The following SERPINB1 variants were observed in gnomAD, a reference collection of about 807,000 sequenced individuals.
The protein encoded by SERPINB1 is leukocyte elastase inhibitor.
SERPINB1 carries 23 observed loss-of-function variants against 25.9 expected under a neutral mutation model. The observed-to-expected ratio is 0.89, with a 90% CI of 0.64 to 1.26. The LOEUF (loss-of-function observed/expected upper bound fraction) is 1.26, where lower values mean the gene tolerates loss of function less well. Ranked by LOEUF, SERPINB1 falls within the 50% of genes most tolerant of loss-of-function variation. SERPINB1 has a pLI of 0.00. For synonymous variants in SERPINB1, 178 were observed against 178.7 expected (o/e 1.00, Z 0.03); for missense variants, 399 against 463.6 (o/e 0.86, Z 1.28).
In SERPINB1 at chr6:2,833,948, A is replaced by G. The variant is rs774303409; in HGVS notation, c.800T>C (p.Ile267Thr). 15 of 1,613,836 alleles carry G rather than the reference A, an allele frequency of 9.3e-6. No individual in the cohort carries two copies. The highest frequency in any genetic ancestry group is 1.6e-4 in the Middle Eastern group (1 of 6,062). Residue 267 changes from isoleucine to threonine, a missense_variant, in exon 7 of 7, where the codon ATT becomes ACT. Physicochemically the swap from Ile to Thr is moderately conservative, Grantham distance 89. Coordinates refer to ENST00000380739, the MANE Select transcript of SERPINB1 (RefSeq NM_030666.4). ...EWTKPENLDF[I>T]EVNVSLPRFK... is the part of the protein sequence containing the mutation. ...CCTGGGCAAGCTGACATTAACTTCA[A>G]TGAAATCGAGATTCTCAGGTTTAGT... is the stretch of plus-strand genomic sequence containing the variant.
Position 2,833,518 on chromosome 6 carries a change from T to C in SERPINB1, c.*90A>G. 1 of 1,207,360 alleles carries C rather than the reference T, an allele frequency of 8.3e-7. No homozygotes were observed. Among genetic ancestry groups the C allele is most frequent in the South Asian group, 1.6e-5 (1 of 60,892 alleles). The allele number at this position is 1,207,360 out of a possible 1,614,324, so 74.8% of individuals were successfully genotyped here. ...GACTTGTTTCTGAACAGTGGTTTTA[T>C]TGGTAAAGATATAAGACATATTGGC... On this transcript the variant is annotated 3_prime_UTR_variant, in exon 7 of 7. Transcript: ENST00000380739.
intron 2 of SERPINB1, chr6:2,839,327 T>A: frequency 1.0e-6 from 1 of 985,210 alleles, no homozygotes; most frequent in Non-Finnish European, 1.2e-6. Flanking sequence ...GAAGTCCACA[T>A]TACTCACCGA....
chr6:2,835,570 C>G (rs1246534074), intron 6 of SERPINB1, among the ~76,000 whole-genome samples: 1 of 152,142 alleles, frequency 6.6e-6, no homozygotes, highest in African/African-American at 2.4e-5. Context: ...GGCACAGTGG[C>G]TCACAGCTAT....
At position 2,841,157 on chromosome 6, in the gene SERPINB1, T is replaced by G. The variant is rs1314949127; in HGVS notation, c.-8-563A>C. On this transcript the variant is annotated intron_variant, in intron 1 of 6. Transcript: ENST00000380739. This position sits in a 1 kb window ranked among gnomAD's most constrained non-coding sequence, Gnocchi z 4.5. ...CCTTATTTTTGAGGTTCAAAAGGTATGAGGTCCAGTGCCCACAGTCTCAGA... is the reference window on the plus strand; with the variant it reads ...CCTTATTTTTGAGGTTCAAAAGGTAGGAGGTCCAGTGCCCACAGTCTCAGA... The G allele has an allele frequency of 6.6e-6, 1 of 152,238 alleles. No individual in the cohort carries two copies. The highest frequency in any genetic ancestry group is 2.4e-5 in the African/African-American group (1 of 41,438). 9.4% of individuals were successfully genotyped at this position (152,238 alleles called of 1,614,324 possible). A position where few individuals can be genotyped will look rare whatever the true frequency, so the allele number is the denominator to read the frequency against.
chr6:2,840,311 A>T (rs1464442095), intron 2 of SERPINB1, 108 bp downstream of exon 2: 7 of 1,308,806 alleles, frequency 5.3e-6, no homozygotes, highest in Non-Finnish European at 7.4e-6. Context: ...ATAAAAATAC[A>T]GTTCTGAAAA....
At position 2,833,514 on chromosome 6, in the gene SERPINB1, T is replaced by C; in HGVS notation, c.*94A>G. On this transcript the variant is annotated 3_prime_UTR_variant, in exon 7 of 7. Transcript: ENST00000380739. ...GAAAGACTTGTTTCTGAACAGTGGT[T>C]TTATTGGTAAAGATATAAGACATAT... 4 of 1,195,020 alleles carry C rather than the reference T, an allele frequency of 3.3e-6. No individual in the cohort carries two copies. In the South Asian group the frequency reaches 6.7e-5, roughly 20 times the overall value. The allele number at this position is 1,195,020 out of a possible 1,614,324, so 74.0% of individuals were successfully genotyped here. A position where few individuals can be genotyped will look rare whatever the true frequency, so the allele number is the denominator to read the frequency against.
rs1766416441 is a variant in SERPINB1 at position 2,834,004 on chromosome 6, T to G, written c.744A>C (p.Glu248Asp). 6.3e-7 allele frequency: 1 copy of G among 1,590,884 alleles called. No homozygotes were observed. Among genetic ancestry groups the G allele is most frequent in the Non-Finnish European group, 8.6e-7 (1 of 1,169,044 alleles). ...CATGCAACTTTTCCAAAGTCAACTG[T>G]TCCTCAATCTGCAATTAAAAATGAG... ...DESTGLKKIE[E>D]QLTLEKLHEW... is the part of the protein sequence containing the mutation. Residue 248 changes from glutamate (E) to aspartate (D), a missense_variant, in exon 7 of 7, where the codon GAA becomes GAC. Coordinates refer to ENST00000380739, the MANE Select transcript of SERPINB1 (RefSeq NM_030666.4).
At position 2,833,405 on chromosome 6, in the gene SERPINB1, T is replaced by C. The variant is rs1007659255; in HGVS notation, c.*203A>G. The C allele has an allele frequency of 4.1e-6, 2 of 488,702 alleles. No individual in the cohort carries two copies. Among genetic ancestry groups the C allele is most frequent in the Non-Finnish European group, 3.6e-6 (1 of 280,966 alleles). 30.3% of individuals were successfully genotyped at this position (488,702 alleles called of 1,614,324 possible). On this transcript the variant is annotated 3_prime_UTR_variant, in exon 7 of 7. Transcript: ENST00000380739. ...CATTCAAAAGCAACCACTGGATTTT[T>C]TTCAATGTAAAAAAGAAAAATAGAT...
Position 2,833,735 on chromosome 6 carries a change from G to T in SERPINB1, c.1013C>A (p.Ala338Glu). Residue 338 changes from alanine (A) to glutamate (E), a missense_variant, in exon 7 of 7, where the codon GCA (alanine) becomes GAA (glutamate). By Grantham distance (107) the Ala-to-Glu change is moderately radical (BLOSUM62 -1). Coordinates refer to ENST00000380739, the MANE Select transcript of SERPINB1 (RefSeq NM_030666.4). ...CAACATGCAGAAAGTTGCGATGCCTGCTGTGGCAGCTGCCGCCTCTGTTCC... is the reference window on the plus strand; with the variant it reads ...CAACATGCAGAAAGTTGCGATGCCTTCTGTGGCAGCTGCCGCCTCTGTTCC... Reference protein sequence around the residue: ...EEGTEAAAATAGIATFCMLMP... With the variant: ...EEGTEAAAATEGIATFCMLMP... The T allele has an allele frequency of 1.2e-6, 2 of 1,613,704 alleles. No homozygotes were observed. The highest frequency in any genetic ancestry group is 1.3e-5 in the African/African-American group (1 of 75,050).
intron 6 of SERPINB1, among the ~76,000 whole-genome samples, chr6:2,835,072 T>C (rs1766446106): frequency 6.6e-6 from 1 of 152,200 alleles, no homozygotes; most frequent in Non-Finnish European, 1.5e-5. Flanking sequence ...TGTTATACAA[T>C]GTATTAAAAG....
rs2113528883 is a variant in SERPINB1 at position 2,833,399 on chromosome 6, G to A, written c.*209C>T. ...TTGATGCATTCAAAAGCAACCACTG[G>A]ATTTTTTTCAATGTAAAAAAGAAAA... On this transcript the variant is annotated 3_prime_UTR_variant, in exon 7 of 7. Coordinates refer to ENST00000380739, the MANE Select transcript of SERPINB1 (RefSeq NM_030666.4). The A allele has an allele frequency of 1.0e-5, 5 of 480,042 alleles. No homozygotes were observed. The East Asian group carries it at 1.6e-4, about 16-fold the overall frequency. The allele number at this position is 480,042 out of a possible 1,614,324, so 29.7% of individuals were successfully genotyped here. A position where few individuals can be genotyped will look rare whatever the true frequency, so the allele number is the denominator to read the frequency against.
Position 2,833,973 on chromosome 6 carries a change from T to C in SERPINB1, c.775A>G (p.Thr259Ala). ...ATGAAATCGAGATTCTCAGGTTTAG[T>C]CCACTCATGCAACTTTTCCAAAGTC... ...QLTLEKLHEW[T>A]KPENLDFIEV... is the part of the protein sequence containing the mutation. Residue 259 changes from threonine (T) to alanine (A), a missense_variant, in exon 7 of 7, where the codon ACT becomes GCT. By Grantham distance (58) the Thr-to-Ala change is moderately conservative. Transcript: ENST00000380739. The C allele has an allele frequency of 1.2e-6, 2 of 1,609,342 alleles. No individual in the cohort carries two copies. The highest frequency in any genetic ancestry group is 1.7e-6 in the Non-Finnish European group (2 of 1,177,330).
chr6:2,839,168 T>A (rs1262762201), intron 2 of SERPINB1, among the ~76,000 whole-genome samples: 1 of 152,234 alleles, frequency 6.6e-6, no homozygotes, highest in African/African-American at 2.4e-5. Flanking sequence ...AACTCACTTA[T>A]TTTAAAATAA....
In SERPINB1 at chr6:2,835,416, T is replaced by C. The variant is rs186860622; in HGVS notation, c.735+440A>G. ...CAGTAAAACAATCCTCATCTTACTG[T>C]AATTTCCTCTAAAGCTAATTCAAGA... On this transcript the variant is annotated intron_variant, in intron 6 of 6. Coordinates refer to ENST00000380739, the MANE Select transcript of SERPINB1 (RefSeq NM_030666.4). Among the ~76,000 whole-genome samples, 3 of 152,296 alleles carry C rather than the reference T, an allele frequency of 2.0e-5. No individual in the cohort carries two copies. In the East Asian group the frequency reaches 5.8e-4, roughly 29 times the overall value.
At chr6:2,839,880 C>A (rs951228205) in intron 2 of SERPINB1, among the ~76,000 whole-genome samples, 1 of 152,152 alleles carries the variant, frequency 6.6e-6, no homozygotes, top group Non-Finnish European at 1.5e-5. Context: ...TATGCCACAG[C>A]CCACTGAGCC....
chr6:2,835,869 G>A lies in SERPINB1; in HGVS notation c.722C>T (p.Thr241Met), dbSNP rs754038509. ...CAGGAGCCATACCTTCTTCAGGCCC[G>A]TGGACTCGTCCTCAATGTCATCCGG... ...LLPDDIEDES[T>M]GLKKIEEQLT... is the part of the protein sequence containing the mutation. The change falls in exon 6 of 7, where the codon ACG (threonine) becomes ATG (methionine). Residue 241 changes from threonine to methionine, a missense_variant. Transcript: ENST00000380739. The A allele has an allele frequency of 3.3e-5, 54 of 1,613,420 alleles. No individual in the cohort carries two copies. Among genetic ancestry groups the A allele is most frequent in the Non-Finnish European group, 4.3e-5 (51 of 1,179,806 alleles).
At position 2,833,813 on chromosome 6, in the gene SERPINB1, TCTCTGG is replaced by T. The variant is rs768524962; in HGVS notation, c.929_934del (p.Ala310_Arg311del). 3.7e-6 allele frequency: 6 copies of T among 1,614,200 alleles called. No individual in the cohort carries two copies. Among genetic ancestry groups the T allele is most frequent in the Non-Finnish European group, 5.1e-6 (6 of 1,180,024 alleles). Reference sequence around the variant, plus strand: ...GTGGACAATTTTTGATATAAAAATATCTCTGGCTCCTGACATGCCAGACAGATCAGC... The same window carrying T: ...GTGGACAATTTTTGATATAAAAATATCTCCTGACATGCCAGACAGATCAGC... On this transcript the variant is annotated inframe_deletion, in exon 7 of 7. Transcript: ENST00000380739.
chr6:2,840,518 A>G lies in SERPINB1; in HGVS notation c.69T>C (p.Asn23=), dbSNP rs1304666931. ...GAGAGATGAAGATGTTTCCAGCCGG[A>G]TTGTTCTCACTCAACGCCAGGAACA... ...LDLFLALSEN[N]PAGNIFISPF... is the part of the protein sequence containing the mutation. The change falls in exon 2 of 7, where the codon AAT becomes AAC. Residue 23 remains asparagine (N), a synonymous_variant. Transcript: ENST00000380739. 6.2e-7 allele frequency: 1 copy of G among 1,614,144 alleles called. No individual in the cohort carries two copies. The highest frequency in any genetic ancestry group is 8.5e-7 in the Non-Finnish European group (1 of 1,180,034).
rs979801062 is a variant in SERPINB1 at position 2,841,675 on chromosome 6, G to C, written c.-9+137C>G. On this transcript the variant is annotated intron_variant, in intron 1 of 6. Transcript: ENST00000380739. The surrounding 1 kb of genome is among the most constrained non-coding windows in gnomAD (Gnocchi z 4.5). ...GGGATGGGGGCGCGAAGCTGGCGGG[G>C]AGGGCGAGCGCAGGGAGCTGCGGGT... The C allele has an allele frequency of 6.6e-6, 1 of 152,478 alleles. No individual in the cohort carries two copies. Among genetic ancestry groups the C allele is most frequent in the African/African-American group, 2.4e-5 (1 of 41,396 alleles). 9.4% of individuals were successfully genotyped at this position (152,478 alleles called of 1,614,324 possible). A position where few individuals can be genotyped will look rare whatever the true frequency, so the allele number is the denominator to read the frequency against.
Sources: allele counts gnomAD v4.1 joint callset (sites outside exome capture counted in the v4.1 genomes callset), GRCh38; gene constraint gnomAD v4.1.1; non-coding constraint Gnocchi (gnomAD v3.1); transcripts MANE v1.5; gene names NCBI Gene and HGNC (gene_info 2026-07-23, HGNC 2026-07-21).